PRKCE: variants seen among roughly 807,000 people sequenced by gnomAD.
PRKCE encodes protein kinase C epsilon type.
A neutral mutation model predicts 85.4 loss-of-function variants in PRKCE; 16 were observed. The ratio of observed to expected loss-of-function variants is 0.19; its 90% CI spans 0.13 to 0.28. The LOEUF (loss-of-function observed/expected upper bound fraction) is 0.28, where lower values mean the gene tolerates loss of function less well. Ranked by LOEUF, PRKCE falls within the 10% of genes least tolerant of loss-of-function variation. The pLI is 1.00. For missense variants in PRKCE, 573 were observed against 975.2 expected (o/e 0.59, Z 5.49); for synonymous variants, 388 against 371.5 (o/e 1.04, Z -0.51).
intron 14 of PRKCE, among the ~76,000 whole-genome samples, chr2:46,173,796 C>T (rs375925387): frequency 2.8e-4 from 43 of 152,342 alleles, no homozygotes; most frequent in African/African-American, 9.1e-4. Context: ...CCCAGACAAA[C>T]GATAGTTGGC....
chr2:45,956,919 G>T (rs1333741228), intron 2 of PRKCE, among the ~76,000 whole-genome samples: 1 of 151,196 alleles, frequency 6.6e-6, no homozygotes, highest in Non-Finnish European at 1.5e-5. Context: ...ATCTTTTCAT[G>T]TGTTTAATTA....
chr2:46,069,234 C>A (rs1048177049), intron 10 of PRKCE, among the ~76,000 whole-genome samples: 2 of 152,178 alleles, frequency 1.3e-5, no homozygotes, highest in Non-Finnish European at 2.9e-5. Context: ...TTCTCACTTA[C>A]CTGTTGCTCA....
At chr2:45,682,865 G>A (rs540877902) in intron 1 of PRKCE, among the ~76,000 whole-genome samples, 11 of 152,178 alleles carry the variant, frequency 7.2e-5, no homozygotes, top group African/African-American at 1.9e-4. Flanking sequence ...GAGCCGCCAC[G>A]CCCAGCCAAG....
At chr2:45,721,777 T>C (rs1282453758) in intron 1 of PRKCE, among the ~76,000 whole-genome samples, 2 of 151,878 alleles carry the variant, frequency 1.3e-5, no homozygotes, top group African/African-American at 4.8e-5. Context: ...CTTGGGAGGT[T>C]GAGGCAGGAG....
At chr2:46,037,750 G>A (rs1019679684) in intron 10 of PRKCE, among the ~76,000 whole-genome samples, 1 of 152,136 alleles carries the variant, frequency 6.6e-6, no homozygotes, top group African/African-American at 2.4e-5. Context: ...GCTACAGTCA[G>A]ATTACAGGGG....
chr2:46,012,650 C>A (rs1705783679), intron 10 of PRKCE, among the ~76,000 whole-genome samples: 1 of 152,144 alleles, frequency 6.6e-6, no homozygotes, highest in Non-Finnish European at 1.5e-5. Context: ...TAGGAGGGGT[C>A]CAGTTTAGTT....
chr2:45,755,955 C>T (rs778308485), intron 1 of PRKCE, among the ~76,000 whole-genome samples: 1 of 152,120 alleles, frequency 6.6e-6, no homozygotes, highest in East Asian at 1.9e-4. Flanking sequence ...GAGTGGATTC[C>T]GTGTTGGGAG....
At chr2:46,119,289 G>C (rs566904461) in intron 11 of PRKCE, among the ~76,000 whole-genome samples, 1 of 152,078 alleles carries the variant, frequency 6.6e-6, no homozygotes, top group East Asian at 1.9e-4. Flanking sequence ...GAAAAAAAAA[G>C]GGGGGGTTAT....
intron 2 of PRKCE, among the ~76,000 whole-genome samples, chr2:45,957,665 C>T (rs1354992368): frequency 2.6e-5 from 4 of 151,956 alleles, no homozygotes; most frequent in Non-Finnish European, 5.9e-5. Context: ...TTTGGAAGCA[C>T]TTTCGGAGGC....
chr2:45,782,884 T>C (rs1429693458), intron 1 of PRKCE, among the ~76,000 whole-genome samples: 2 of 152,212 alleles, frequency 1.3e-5, no homozygotes, highest in Non-Finnish European at 2.9e-5. Flanking sequence ...TTCTCGTGTC[T>C]GAATCCAGAA....
intron 1 of PRKCE, among the ~76,000 whole-genome samples, chr2:45,765,422 C>T (rs1376431002): frequency 1.3e-5 from 2 of 152,136 alleles, no homozygotes; most frequent in East Asian, 1.9e-4. Context: ...ATTTGGACTC[C>T]CCGGTGCCTT....
chr2:45,844,355 A>G (rs1180069339), intron 2 of PRKCE, among the ~76,000 whole-genome samples: 1 of 152,126 alleles, frequency 6.6e-6, no homozygotes, highest in African/African-American at 2.4e-5. Context: ...GGCATTTCCA[A>G]CTTCCCTTCT....
chr2:46,091,802 A>T lies in PRKCE; in HGVS notation c.1592+5440A>T, dbSNP rs369708589. The stretch of plus-strand genomic sequence containing the variant: ...TACATTACTAAGATACAGTGAAAGA[A>T]CATTAGAGATTTCTTATCCATCCCG... On this transcript the variant is annotated intron_variant, in intron 11 of 14. Coordinates refer to ENST00000306156, the MANE Select transcript of PRKCE (RefSeq NM_005400.3). Among the ~76,000 whole-genome samples the T allele has an allele frequency of 2.6e-5, 4 of 152,370 alleles. No homozygotes were observed. In the South Asian group the frequency reaches 6.2e-4, roughly 24 times the overall value.
intron 2 of PRKCE, among the ~76,000 whole-genome samples, chr2:45,936,946 A>G (rs2104140976): frequency 6.6e-6 from 1 of 152,318 alleles, no homozygotes; most frequent in East Asian, 1.9e-4. Flanking sequence ...ACCTGTTCAG[A>G]CTGTGACATT....
intron 11 of PRKCE, among the ~76,000 whole-genome samples, chr2:46,091,749 A>T (rs1670191689): frequency 6.6e-6 from 1 of 152,234 alleles, no homozygotes; most frequent in Non-Finnish European, 1.5e-5. Flanking sequence ...GTACTCAGTA[A>T]ATGTTAGCCA....
intron 10 of PRKCE, among the ~76,000 whole-genome samples, chr2:46,064,769 G>A (rs745443491): frequency 3.3e-5 from 5 of 152,172 alleles, no homozygotes; most frequent in Non-Finnish European, 7.4e-5. Flanking sequence ...AGTTTTTTTG[G>A]TAATTCTCTT....
chr2:45,919,769 A>T lies in PRKCE; in HGVS notation c.413-56660A>T, dbSNP rs559881086. ...AAAACACAGGAAATAACCTACAGGC[A>T]TGTACCATGGCATGTGTGGAGTCCC... On this transcript the variant is annotated intron_variant, in intron 2 of 14. Coordinates refer to ENST00000306156, the MANE Select transcript of PRKCE (RefSeq NM_005400.3). Among the ~76,000 whole-genome samples the T allele has an allele frequency of 3.9e-5, 6 of 152,386 alleles. No individual in the cohort carries two copies. In the East Asian group the frequency reaches 1.2e-3, roughly 29 times the overall value.
intron 2 of PRKCE, among the ~76,000 whole-genome samples, chr2:45,945,464 A>T (rs932978682): frequency 2.0e-5 from 3 of 152,224 alleles, no homozygotes; most frequent in Admixed American, 2.0e-4. Context: ...TTCATGAGGG[A>T]TCCGCCCTGT....
chr2:46,064,217 G>T (rs1024084594), intron 10 of PRKCE, among the ~76,000 whole-genome samples: 1 of 149,944 alleles, frequency 6.7e-6, no homozygotes, highest in Non-Finnish European at 1.5e-5. Context: ...GGGAGGTGGA[G>T]GTTGAAGTGA....
Sources: allele counts gnomAD v4.1 joint callset (sites outside exome capture counted in the v4.1 genomes callset), GRCh38; gene constraint gnomAD v4.1.1; transcripts MANE v1.5; gene names NCBI Gene and HGNC (gene_info 2026-07-23, HGNC 2026-07-21).